Variants in FKBP5 observed in about 807,000 individuals in gnomAD.
The protein encoded by FKBP5 is FKBP prolyl isomerase 5.
A neutral mutation model predicts 50.5 loss-of-function variants in FKBP5; 23 were observed. The ratio of observed to expected loss-of-function variants is 0.46; its 90% confidence interval spans 0.33 to 0.65. The LOEUF (loss-of-function observed/expected upper bound fraction) is 0.65, where lower values mean the gene tolerates loss of function less well. Among genes scored for constraint, FKBP5 ranks in the 30% least tolerant of loss-of-function variants. The pLI, the probability that FKBP5 is intolerant of heterozygous loss-of-function variation, is 0.02. For synonymous variants in FKBP5, 176 were observed against 190.6 expected, an observed-to-expected ratio of 0.92 and a Z score of 0.63; for missense variants, 411 against 553.1, an observed-to-expected ratio of 0.74 and a Z score of 2.58.
intron 5 of FKBP5, among the ~76,000 whole-genome samples, chr6:35,604,429 C>T (rs1442106732): frequency 6.6e-6 from 1 of 152,154 alleles, no homozygotes; most frequent in Non-Finnish European, 1.5e-5. Flanking sequence ...CACTTTAGAC[C>T]AAGTACCATA....
At position 35,637,026 on chromosome 6, in the gene FKBP5, T is replaced by G; in HGVS notation, c.238A>C (p.Ser80Arg). Residue 80 changes from serine (S) to arginine (R), a missense_variant, in exon 3 of 11, where the codon AGT (serine) becomes CGT (arginine). Physicochemically the swap from Ser to Arg is moderately radical, Grantham distance 110 (BLOSUM62 -1). Transcript: ENST00000357266. ...SHDRNEPFVFSLGKGQVIKAW... is the reference protein window; with the variant it reads ...SHDRNEPFVFRLGKGQVIKAW... ...AATACCCTCTTACCTTTGCCAAGAC[T>G]AAAGACAAATGGTTCATTTCTATCA... is the stretch of plus-strand genomic sequence containing the variant. 1 of 1,597,850 alleles carries G rather than the reference T, an allele frequency of 6.3e-7. No individual in the cohort carries two copies. Among genetic ancestry groups the G allele is most frequent in the Non-Finnish European group, 8.5e-7 (1 of 1,176,526 alleles).
At chr6:35,705,213 AATATATATATATATATATATATATAT>A (rs869253345) in intron 2 of FKBP5, among the ~76,000 whole-genome samples, 2 of 71,384 alleles carry the variant, frequency 2.8e-5, no homozygotes, top group African/African-American at 5.3e-5. Flanking sequence ...TATATGTACA[AATATATATATATATATATATATATAT>A]ATATATATAT....
chr6:35,598,614 A>G (rs1763055084), intron 5 of FKBP5, among the ~76,000 whole-genome samples: 1 of 152,232 alleles, frequency 6.6e-6, no homozygotes. Flanking sequence ...TTGATGTAAT[A>G]AGAAAAATGG....
chr6:35,698,198 C>T (rs1766116188), intron 2 of FKBP5, among the ~76,000 whole-genome samples: 1 of 152,100 alleles, frequency 6.6e-6, no homozygotes, highest in Non-Finnish European at 1.5e-5. Flanking sequence ...CAAAATTAGC[C>T]AGGCGTGGTG....
At chr6:35,655,564 C>T (rs1764923924) in intron 1 of FKBP5, among the ~76,000 whole-genome samples, 1 of 152,176 alleles carries the variant, frequency 6.6e-6, no homozygotes, top group Non-Finnish European at 1.5e-5. Flanking sequence ...GTGTCCTATT[C>T]ATTTTGTACT....
chr6:35,672,296 G>A (rs981841219), intron 1 of FKBP5, among the ~76,000 whole-genome samples: 5 of 151,970 alleles, frequency 3.3e-5, no homozygotes, highest in Admixed American at 2.0e-4. Context: ...GAAAAATGAA[G>A]ACAAGAAAAA....
intron 5 of FKBP5, among the ~76,000 whole-genome samples, chr6:35,605,520 C>T (rs1017920679): frequency 1.3e-5 from 2 of 151,014 alleles, no homozygotes; most frequent in African/African-American, 4.9e-5. Flanking sequence ...ATCAGCCTCC[C>T]AAGTAAGCTG....
intron 3 of FKBP5, among the ~76,000 whole-genome samples, chr6:35,624,959 T>C (rs1320073199): frequency 6.6e-6 from 1 of 152,170 alleles, no homozygotes; most frequent in East Asian, 1.9e-4. Context: ...AAGAAACCAG[T>C]TGTATCATTC....
chr6:35,666,057 A>T (rs2151001897), intron 1 of FKBP5, among the ~76,000 whole-genome samples: 1 of 152,272 alleles, frequency 6.6e-6, no homozygotes, highest in East Asian at 1.9e-4. Context: ...CAATGAGTTT[A>T]TCAGGAGGTA....
chr6:35,634,919 G>T (rs1764264126), intron 3 of FKBP5, among the ~76,000 whole-genome samples: 1 of 151,792 alleles, frequency 6.6e-6, no homozygotes, highest in African/African-American at 2.4e-5. Context: ...GCCAGGTGTG[G>T]TGGCTCATGC....
At chr6:35,715,066 A>G (rs1216812864) in intron 2 of FKBP5, among the ~76,000 whole-genome samples, 1 of 151,938 alleles carries the variant, frequency 6.6e-6, no homozygotes, top group Non-Finnish European at 1.5e-5. Flanking sequence ...CGCCTGCGTA[A>G]TTTTTGTATT....
intron 6 of FKBP5, among the ~76,000 whole-genome samples, chr6:35,595,323 C>G (rs1029044675): frequency 6.6e-6 from 1 of 152,186 alleles, no homozygotes; most frequent in East Asian, 1.9e-4. Flanking sequence ...AAACTGGTTC[C>G]TATAACATTA....
intron 6 of FKBP5, among the ~76,000 whole-genome samples, chr6:35,592,418 C>T (rs181389927): frequency 1.4e-3 from 211 of 152,260 alleles, no homozygotes; most frequent in African/African-American, 4.8e-3. Context: ...AATAGAGATA[C>T]GAGAGCTGGT....
intron 1 of FKBP5, among the ~76,000 whole-genome samples, chr6:35,669,264 C>T (rs1765317702): frequency 6.6e-6 from 1 of 152,170 alleles, no homozygotes; most frequent in Non-Finnish European, 1.5e-5. Flanking sequence ...ATAAGACATC[C>T]TTGAGGAATT....
At chr6:35,677,319 C>T (rs1023036782) in intron 1 of FKBP5, among the ~76,000 whole-genome samples, 1 of 151,994 alleles carries the variant, frequency 6.6e-6, no homozygotes, top group Non-Finnish European at 1.5e-5. Context: ...GTGATCCGCC[C>T]GCCTCGGCCT....
chr6:35,579,893 A>G (rs1762367569), intron 9 of FKBP5, 143 bp downstream of exon 9: 4 of 612,340 alleles, frequency 6.5e-6, no homozygotes, highest in Non-Finnish European at 1.1e-5. Context: ...CATACTGAGA[A>G]ACAAATAATC....
intron 1 of FKBP5, among the ~76,000 whole-genome samples, chr6:35,672,840 G>A (rs1478257826): frequency 1.3e-5 from 2 of 151,878 alleles, no homozygotes; most frequent in East Asian, 1.9e-4. Flanking sequence ...TGAGGCAGGA[G>A]AATGGCGTGA....
chr6:35,695,452 C>T (rs1434327645), intron 2 of FKBP5, among the ~76,000 whole-genome samples: 1 of 152,234 alleles, frequency 6.6e-6, no homozygotes, highest in Non-Finnish European at 1.5e-5. Context: ...AGGCATAAGC[C>T]ACCATACACA....
At chr6:35,691,937 C>T (rs1765996143), upstream of FKBP5, among the ~76,000 whole-genome samples, 1 of 152,120 alleles carries the variant, frequency 6.6e-6, no homozygotes, top group Non-Finnish European at 1.5e-5. Context: ...TCTGCTGCCG[C>T]CGTCTTGAAA....
Sources: allele counts gnomAD v4.1 joint callset (sites outside exome capture counted in the v4.1 genomes callset), GRCh38; gene constraint gnomAD v4.1.1; transcripts MANE v1.5; gene names NCBI Gene and HGNC (gene_info 2026-07-23, HGNC 2026-07-21).